Variants in KCNIP4 observed in about 807,000 individuals in gnomAD.
The protein encoded by KCNIP4 is potassium voltage-gated channel interacting protein 4.
A neutral mutation model predicts 34.0 loss-of-function variants in KCNIP4; 12 were observed. The observed-to-expected ratio is 0.35, with a 90% CI of 0.23 to 0.57. KCNIP4 has a LOEUF of 0.57. KCNIP4 is among the 20% of genes least tolerant of loss of function. The pLI, the probability that KCNIP4 is intolerant of heterozygous loss-of-function variation, is 0.83. For synonymous variants in KCNIP4, 124 were observed against 102.2 expected, an observed-to-expected ratio of 1.21 and a Z score of -1.29; for missense variants, 238 against 311.7, an observed-to-expected ratio of 0.76 and a Z score of 1.78.
At chr4:21,538,249 T>C (rs1200095296) in intron 1 of KCNIP4, among the ~76,000 whole-genome samples, 1 of 152,078 alleles carries the variant, frequency 6.6e-6, no homozygotes, top group Admixed American at 6.6e-5. Flanking sequence ...ACTTCTAGTC[T>C]CCAGAAGTGT....
intron 1 of KCNIP4, among the ~76,000 whole-genome samples, chr4:21,494,656 C>T (rs1224111059): frequency 6.6e-6 from 1 of 151,510 alleles, no homozygotes; most frequent in African/African-American, 2.4e-5. Flanking sequence ...GCCTGTAGTC[C>T]CAGTTACTCA....
intron 1 of KCNIP4, among the ~76,000 whole-genome samples, chr4:21,224,660 C>T (rs532258757): frequency 6.7e-4 from 92 of 137,508 alleles, no homozygotes; most frequent in African/African-American, 2.4e-3. Context: ...CATCTCAGCT[C>T]ACTGCAGCCT....
chr4:21,016,215 G>T (rs1029980867), intron 1 of KCNIP4, among the ~76,000 whole-genome samples: 3 of 151,008 alleles, frequency 2.0e-5, no homozygotes, highest in South Asian at 4.2e-4. Flanking sequence ...GGCTTAGGTC[G>T]CTGACAATAT....
At chr4:21,910,994 G>A (rs1439624651) in intron 1 of KCNIP4, among the ~76,000 whole-genome samples, 1 of 152,010 alleles carries the variant, frequency 6.6e-6, no homozygotes, top group African/African-American at 2.4e-5. Flanking sequence ...AATAAAAGTG[G>A]AAAGCAACCT....
chr4:21,111,154 T>G (rs891160762), intron 1 of KCNIP4, among the ~76,000 whole-genome samples: 1 of 152,162 alleles, frequency 6.6e-6, no homozygotes, highest in Non-Finnish European at 1.5e-5. Context: ...ATCAGTTCTG[T>G]TTTTCATTCC....
intron 1 of KCNIP4, among the ~76,000 whole-genome samples, chr4:21,318,681 T>TTATA (rs2109294568): frequency 6.6e-6 from 1 of 152,270 alleles, no homozygotes; most frequent in East Asian, 1.9e-4. Flanking sequence ...GCAGTGCTTT[T>TTATA]TGATATGTGT....
intron 1 of KCNIP4, among the ~76,000 whole-genome samples, chr4:21,379,070 A>AT (rs1046052208): frequency 1.3e-5 from 2 of 152,224 alleles, no homozygotes; most frequent in Admixed American, 1.3e-4. Flanking sequence ...ATACTGTGAG[A>AT]TTTTTTTCTT....
intron 1 of KCNIP4, among the ~76,000 whole-genome samples, chr4:21,292,849 T>C (rs1474407739): frequency 6.6e-6 from 1 of 152,126 alleles, no homozygotes; most frequent in Non-Finnish European, 1.5e-5. Context: ...CCAACTCCTT[T>C]ACAATATCAG....
intron 1 of KCNIP4, among the ~76,000 whole-genome samples, chr4:21,601,265 G>A (rs929391627): frequency 1.5e-4 from 23 of 151,918 alleles, no homozygotes; most frequent in African/African-American, 5.3e-4. Context: ...TTTTCACATT[G>A]CCAAAAGAAT....
intron 1 of KCNIP4, among the ~76,000 whole-genome samples, chr4:21,595,017 G>A (rs1742527503): frequency 6.6e-6 from 1 of 152,110 alleles, no homozygotes; most frequent in African/African-American, 2.4e-5. Context: ...TACGTGTGCA[G>A]AATGTGCAGG....
intron 1 of KCNIP4, among the ~76,000 whole-genome samples, chr4:21,473,493 A>T (rs528067039): frequency 1.6e-3 from 249 of 152,304 alleles, no homozygotes; most frequent in South Asian, 4.4e-3. Flanking sequence ...GAGTTTTTTT[A>T]AAAAATCTGA....
intron 1 of KCNIP4, among the ~76,000 whole-genome samples, chr4:21,414,677 A>C (rs1278969914): frequency 2.0e-5 from 3 of 152,228 alleles, no homozygotes; most frequent in Admixed American, 2.0e-4. Context: ...AGGTGAAAAC[A>C]ATCTAAGTGT....
chr4:21,698,932 C>G (rs571508403), intron 1 of KCNIP4, among the ~76,000 whole-genome samples: 1 of 152,252 alleles, frequency 6.6e-6, no homozygotes, highest in Admixed American at 6.5e-5. Flanking sequence ...AGGGTTCTAA[C>G]CATTCTAACC....
Position 21,820,583 on chromosome 4 carries a change from TTCCTCTGCCATTTTAA to T in KCNIP4, c.61+127972_61+127987del, listed in dbSNP as rs143095781. 6.6e-3 allele frequency among the ~76,000 whole-genome samples: 1,000 copies of T among 152,204 alleles called. 17 individuals carry two copies. The highest frequency in any genetic ancestry group is 0.023 in the African/African-American group (947 of 41,518). On this transcript the variant is annotated intron_variant, in intron 1 of 8. Transcript: ENST00000382152. ...CCAGAGTGGCATGAATTCTGCTACC[TTCCTCTGCCATTTTAA>T]TTCATAAGTCAAGTTGTGACCTTAA... is the stretch of plus-strand genomic sequence containing the variant.
intron 1 of KCNIP4, among the ~76,000 whole-genome samples, chr4:21,879,482 C>G (rs4697246): frequency 0.6 from 90,791 of 152,164 alleles, 29,560 homozygotes; most frequent in Admixed American, 0.74. Context: ...CTGAAGAGTT[C>G]CCTGGACTCC....
chr4:21,833,097 T>TA (rs1723098355), intron 1 of KCNIP4, among the ~76,000 whole-genome samples: 2 of 150,894 alleles, frequency 1.3e-5, no homozygotes, highest in Admixed American at 1.3e-4. Context: ...GTCCTTTGGG[T>TA]ATATACCTAG....
chr4:20,755,348 G>T (rs1310789658), intron 4 of KCNIP4, among the ~76,000 whole-genome samples: 1 of 152,146 alleles, frequency 6.6e-6, no homozygotes, highest in Non-Finnish European at 1.5e-5. Context: ...TCTGACTTTT[G>T]TATGAAACAA....
intron 1 of KCNIP4, among the ~76,000 whole-genome samples, chr4:21,488,424 T>G (rs1560454218): frequency 6.6e-6 from 1 of 152,144 alleles, no homozygotes; most frequent in Non-Finnish European, 1.5e-5. Flanking sequence ...TCCAAACTTT[T>G]TATTTCTAAC....
At chr4:21,905,884 T>A (rs1727974939) in intron 1 of KCNIP4, among the ~76,000 whole-genome samples, 1 of 152,116 alleles carries the variant, frequency 6.6e-6, no homozygotes, top group African/African-American at 2.4e-5. Context: ...CCCATGGGCA[T>A]TAGAGTGTGA....
Sources: allele counts gnomAD v4.1 joint callset (sites outside exome capture counted in the v4.1 genomes callset), GRCh38; gene constraint gnomAD v4.1.1; transcripts MANE v1.5; gene names NCBI Gene and HGNC (gene_info 2026-07-23, HGNC 2026-07-21).